MYO1D: variants seen among roughly 807,000 people sequenced by gnomAD.
MYO1D encodes myosin ID.
A neutral mutation model predicts 122.0 loss-of-function variants in MYO1D; 83 were observed. The observed-to-expected ratio is 0.68, with a 90% CI of 0.57 to 0.82. MYO1D has a LOEUF of 0.82. Ranked by LOEUF, MYO1D falls within the 40% of genes least tolerant of loss-of-function variation. The pLI is 0.00. For missense variants in MYO1D, 1,157 were observed against 1,269.5 expected, an observed-to-expected ratio of 0.91 and a Z score of 1.35; for synonymous variants, 464 against 446.9, an observed-to-expected ratio of 1.04 and a Z score of -0.48.
chr17:32,768,943 T>C (rs951330942), intron 6 of MYO1D, among the ~76,000 whole-genome samples: 3 of 152,222 alleles, frequency 2.0e-5, no homozygotes, highest in African/African-American at 7.2e-5. Context: ...AGCCATCCTC[T>C]ACCCTCATTT....
chr17:32,546,581 T>A (rs1461392853), intron 21 of MYO1D, among the ~76,000 whole-genome samples: 1 of 152,248 alleles, frequency 6.6e-6, no homozygotes, highest in Admixed American at 6.5e-5. Context: ...TTCCAGCACC[T>A]TTCCTAGAGA....
chr17:32,856,238 T>C (rs1026620614), intron 1 of MYO1D, among the ~76,000 whole-genome samples: 3 of 152,178 alleles, frequency 2.0e-5, no homozygotes, highest in Non-Finnish European at 2.9e-5. Flanking sequence ...CTTCATCCTC[T>C]TCATGTCTGC....
At chr17:32,575,703 T>G (rs142376933) in intron 21 of MYO1D, among the ~76,000 whole-genome samples, 5 of 152,328 alleles carry the variant, frequency 3.3e-5, no homozygotes, top group Admixed American at 2.0e-4. Flanking sequence ...GGCTCCTGCT[T>G]CTTCTCTTTG....
chr17:32,762,330 C>A (rs2090009799), intron 8 of MYO1D, among the ~76,000 whole-genome samples: 2 of 152,018 alleles, frequency 1.3e-5, no homozygotes, highest in African/African-American at 2.4e-5. Flanking sequence ...TGGGCTGGAG[C>A]CAGACCATGT....
chr17:32,839,048 T>C (rs2090853228), intron 1 of MYO1D, among the ~76,000 whole-genome samples: 1 of 152,200 alleles, frequency 6.6e-6, no homozygotes, highest in South Asian at 2.1e-4. Context: ...CCTTCCATCA[T>C]ATATTTTTGC....
chr17:32,780,735 C>T lies in MYO1D; in HGVS notation c.145G>A (p.Val49Met), dbSNP rs2090227898. 6.2e-7 allele frequency: 1 copy of T among 1,614,158 alleles called. No homozygotes were observed. The highest frequency in any genetic ancestry group is 1.3e-5 in the African/African-American group (1 of 75,022). The stretch of plus-strand genomic sequence containing the variant: ...ATGTTCAACAACTTGTAAGGGTTCA[C>T]AGAAACGACGACTTCTCCAATGAAC... ...YTFIGEVVVS[V>M]NPYKLLNIYG... Residue 49 changes from valine to methionine, a missense_variant, in exon 2 of 22, where the codon GTG becomes ATG. Coordinates refer to ENST00000318217, the MANE Select transcript of MYO1D (RefSeq NM_015194.3).
chr17:32,711,498 T>C (rs529655642), intron 16 of MYO1D, among the ~76,000 whole-genome samples: 17 of 151,930 alleles, frequency 1.1e-4, no homozygotes, highest in African/African-American at 3.9e-4. Flanking sequence ...ACACAAAAAT[T>C]AGCCAGGTGT....
At chr17:32,603,130 T>A (rs1168844633) in intron 21 of MYO1D, among the ~76,000 whole-genome samples, 2 of 152,038 alleles carry the variant, frequency 1.3e-5, no homozygotes, top group African/African-American at 2.4e-5. Flanking sequence ...TTCACATTTA[T>A]AAATTTTAAA....
intron 21 of MYO1D, among the ~76,000 whole-genome samples, chr17:32,596,510 T>C (rs1206492494): frequency 6.6e-6 from 1 of 152,226 alleles, no homozygotes; most frequent in East Asian, 1.9e-4. Flanking sequence ...CAGCAACTGC[T>C]GGCCTGCTTA....
chr17:32,761,161 G>A (rs1026616715), intron 8 of MYO1D, among the ~76,000 whole-genome samples: 2 of 152,116 alleles, frequency 1.3e-5, no homozygotes, highest in Non-Finnish European at 2.9e-5. Flanking sequence ...ATGGACAAAG[G>A]TGCCACACGC....
chr17:32,553,607 C>A (rs1385235114), intron 21 of MYO1D, among the ~76,000 whole-genome samples: 1 of 152,160 alleles, frequency 6.6e-6, no homozygotes, highest in East Asian at 1.9e-4. Flanking sequence ...AGACCATTCC[C>A]TCTCCTTGAA....
chr17:32,751,008 C>G (rs1035187703), intron 11 of MYO1D, among the ~76,000 whole-genome samples: 8 of 152,270 alleles, frequency 5.3e-5, no homozygotes, highest in African/African-American at 1.9e-4. Context: ...ACTAATGGAA[C>G]ATTCTTACAT....
At chr17:32,495,110 G>A (rs1211641716) in intron 21 of MYO1D, among the ~76,000 whole-genome samples, 195 bp from the exon 22 acceptor site, 3 of 152,210 alleles carry the variant, frequency 2.0e-5, no homozygotes, top group African/African-American at 4.8e-5. Context: ...CCACAGCCTC[G>A]GCACCATGGC....
At chr17:32,541,839 TC>T (rs1387816170) in intron 21 of MYO1D, among the ~76,000 whole-genome samples, 1 of 152,152 alleles carries the variant, frequency 6.6e-6, no homozygotes, top group East Asian at 1.9e-4. Context: ...CCAGGGTGCT[TC>T]CCCGCCCCAC....
At chr17:32,657,991 G>A (rs977865861) in intron 17 of MYO1D, among the ~76,000 whole-genome samples, 19 of 152,026 alleles carry the variant, frequency 1.2e-4, no homozygotes, top group African/African-American at 4.1e-4. Flanking sequence ...TAAAAAAGGG[G>A]AAAAAAATGC....
chr17:32,776,972 G>A (rs1049558966), intron 3 of MYO1D, among the ~76,000 whole-genome samples: 1 of 152,188 alleles, frequency 6.6e-6, no homozygotes, highest in African/African-American at 2.4e-5. Context: ...TAATACTGGA[G>A]AGTTCAACCT....
rs758290160 is a variant in MYO1D at position 32,760,488 on chromosome 17, T to C, written c.1175A>G (p.Asn392Ser). The C allele has an allele frequency of 6.2e-7, 1 of 1,612,874 alleles. No homozygotes were observed. Among genetic ancestry groups the C allele is most frequent in the South Asian group, 1.1e-5 (1 of 90,830 alleles). Residue 392 changes from asparagine to serine, a missense_variant, in exon 9 of 22, where the codon AAC (asparagine) becomes AGC (serine). Physicochemically the swap from Asn to Ser is conservative, Grantham distance 46. Transcript: ENST00000318217. ...AGTATCTTTTCCAGTTTACCTGTTG[T>C]TGTCAAAGATTTCAAAGCCATAGAT... ...LDIYGFEIFDNNSFEQFCINY... is the reference protein window; with the variant it reads ...LDIYGFEIFDSNSFEQFCINY...
chr17:32,675,094 A>T (rs1163932598), intron 16 of MYO1D, among the ~76,000 whole-genome samples: 8 of 152,240 alleles, frequency 5.3e-5, no homozygotes, highest in Non-Finnish European at 1.2e-4. Context: ...TTAACTATGA[A>T]GACTGTTACT....
At chr17:32,813,274 A>C (rs967576819) in intron 1 of MYO1D, among the ~76,000 whole-genome samples, 4 of 152,252 alleles carry the variant, frequency 2.6e-5, no homozygotes, top group Non-Finnish European at 5.9e-5. Flanking sequence ...GGTGATCAAC[A>C]TAACTATGGT....
Sources: gnomAD v4.1 joint callset for allele counts (sites outside exome capture counted in the v4.1 genomes callset) on GRCh38, gnomAD v4.1.1 for gene constraint, MANE v1.5 for transcripts, NCBI Gene and HGNC (gene_info 2026-07-23, HGNC 2026-07-21) for gene names.